Variants in MACROD2 observed in about 807,000 individuals in gnomAD.
The protein encoded by MACROD2 is ADP-ribose glycohydrolase MACROD2.
In MACROD2, 36 loss-of-function variants were observed where a neutral mutation model predicts 70.4. The observed-to-expected ratio is 0.51, with a 90% confidence interval of 0.39 to 0.68. The LOEUF is 0.68. Ranked by LOEUF, MACROD2 falls within the 30% of genes least tolerant of loss-of-function variation. The pLI, the probability that MACROD2 is intolerant of heterozygous loss-of-function variation, is 0.00. For missense variants in MACROD2, 496 were observed against 538.4 expected, an observed-to-expected ratio of 0.92 and a Z score of 0.78; for synonymous variants, 172 against 178.8, an observed-to-expected ratio of 0.96 and a Z score of 0.30.
At chr20:15,876,111 A>ATATATATATATATATATGTG (rs1555789655) in intron 9 of MACROD2, among the ~76,000 whole-genome samples, 3 of 138,846 alleles carry the variant, frequency 2.2e-5, no homozygotes, top group Middle Eastern at 3.7e-3. Context: ...ATATATATAT[A>ATATATATATATATATATGTG]TGTGTGTATT....
chr20:15,281,775 A>G (rs1226778150), intron 6 of MACROD2, among the ~76,000 whole-genome samples: 1 of 152,032 alleles, frequency 6.6e-6, no homozygotes, highest in Non-Finnish European at 1.5e-5. Context: ...GGGTCTGGAG[A>G]ATGGTGGTCC....
chr20:15,894,063 A>G (rs930695568), intron 10 of MACROD2: 6 of 401,304 alleles, frequency 1.5e-5, no homozygotes, highest in Non-Finnish European at 2.5e-5. Flanking sequence ...CGGCCTCAGC[A>G]GGAACATGAT....
chr20:14,278,919 G>T (rs2082281635), intron 3 of MACROD2, among the ~76,000 whole-genome samples: 1 of 152,142 alleles, frequency 6.6e-6, no homozygotes, highest in South Asian at 2.1e-4. Flanking sequence ...ATGTAAGCAA[G>T]AATCTATTCT....
chr20:15,806,381 G>A (rs961350822), intron 8 of MACROD2, among the ~76,000 whole-genome samples: 3 of 152,172 alleles, frequency 2.0e-5, no homozygotes, highest in African/African-American at 7.2e-5. Flanking sequence ...ACTTTCACCA[G>A]TCCTCACTTA....
At chr20:14,126,577 G>C (rs1204145897) in intron 3 of MACROD2, among the ~76,000 whole-genome samples, 1 of 151,906 alleles carries the variant, frequency 6.6e-6, no homozygotes, top group Non-Finnish European at 1.5e-5. Context: ...CAAATCTGTT[G>C]GCACTGTTTT....
At chr20:14,227,693 C>T (rs932928052) in intron 3 of MACROD2, among the ~76,000 whole-genome samples, 1 of 152,218 alleles carries the variant, frequency 6.6e-6, no homozygotes, top group Admixed American at 6.5e-5. Flanking sequence ...CCACCAATTC[C>T]GGATACACTG....
intron 6 of MACROD2, among the ~76,000 whole-genome samples, chr20:15,345,099 G>A (rs546446004): frequency 5.5e-5 from 8 of 146,226 alleles, no homozygotes; most frequent in African/African-American, 1.9e-4. Flanking sequence ...TCTTTTATAA[G>A]AACATTAATT....
chr20:15,972,654 AC>A (rs1349970060), intron 13 of MACROD2, among the ~76,000 whole-genome samples: 3 of 152,104 alleles, frequency 2.0e-5, no homozygotes, highest in Non-Finnish European at 4.4e-5. Flanking sequence ...TACTAAAAAT[AC>A]AAAAATTAGC....
chr20:15,713,208 G>T (rs2050653910), intron 8 of MACROD2, among the ~76,000 whole-genome samples: 1 of 152,148 alleles, frequency 6.6e-6, no homozygotes, highest in Admixed American at 6.5e-5. Flanking sequence ...TTTAGTAAAG[G>T]ATTTTCAAAG....
At chr20:14,138,855 T>C (rs2054835124) in intron 3 of MACROD2, among the ~76,000 whole-genome samples, 1 of 151,646 alleles carries the variant, frequency 6.6e-6, no homozygotes, top group African/African-American at 2.4e-5. Flanking sequence ...ATTGTGGAAA[T>C]CATTCTACAA....
chr20:14,814,894 G>A (rs752113546), intron 5 of MACROD2, among the ~76,000 whole-genome samples: 48 of 151,070 alleles, frequency 3.2e-4, no homozygotes, highest in Non-Finnish European at 6.5e-4. Flanking sequence ...AAAAATAACA[G>A]ATGAAAGGAC....
intron 8 of MACROD2, among the ~76,000 whole-genome samples, chr20:15,503,719 A>G (rs988146429): frequency 1.3e-5 from 2 of 152,228 alleles, no homozygotes; most frequent in Admixed American, 6.5e-5. Flanking sequence ...TCACCTGCTT[A>G]CGCGTGGCCC....
At position 14,686,804 on chromosome 20, in the gene MACROD2, A is replaced by G. The variant is rs58637819; in HGVS notation, c.418+1845A>G. 1.9e-3 allele frequency among the ~76,000 whole-genome samples: 287 copies of G among 152,316 alleles called. 1 individual carries two copies. Among genetic ancestry groups the G allele is most frequent in the African/African-American group, 6.5e-3 (269 of 41,572 alleles). ...AAGCATGATTGTATATCAACTATAT[A>G]TGCTGTTTAATTTTTCCTTTAATGA... On this transcript the variant is annotated intron_variant, in intron 5 of 17. Coordinates refer to ENST00000684519, the MANE Select transcript of MACROD2 (RefSeq NM_001351661.2).
intron 3 of MACROD2, among the ~76,000 whole-genome samples, chr20:14,221,512 A>T (rs1003724170): frequency 2.0e-5 from 3 of 152,220 alleles, no homozygotes; most frequent in Admixed American, 6.5e-5. Context: ...TAAATGTAAG[A>T]CCTGAAATGA....
intron 6 of MACROD2, among the ~76,000 whole-genome samples, chr20:15,283,460 G>A (rs951583621): frequency 6.6e-6 from 1 of 152,124 alleles, no homozygotes; most frequent in African/African-American, 2.4e-5. Flanking sequence ...ATCACCTGAG[G>A]TCAGGAGTTC....
chr20:15,882,908 A>C (rs1401273300), intron 9 of MACROD2, among the ~76,000 whole-genome samples: 1 of 152,050 alleles, frequency 6.6e-6, no homozygotes, highest in African/African-American at 2.4e-5. Flanking sequence ...TACATACAAG[A>C]AGACTTCCAA....
intron 8 of MACROD2, among the ~76,000 whole-genome samples, chr20:15,753,169 G>T (rs2051298373): frequency 6.6e-6 from 1 of 152,066 alleles, no homozygotes; most frequent in Admixed American, 6.5e-5. Context: ...TACACGTGCA[G>T]ATTTGTTAAA....
At chr20:15,928,339 C>T (rs997954045) in intron 10 of MACROD2, among the ~76,000 whole-genome samples, 1 of 152,206 alleles carries the variant, frequency 6.6e-6, no homozygotes, top group Admixed American at 6.5e-5. Flanking sequence ...TGTAGCACTG[C>T]ACTCACTTGA....
At chr20:15,934,752 C>T (rs1327092110) in intron 11 of MACROD2, among the ~76,000 whole-genome samples, 3 of 152,064 alleles carry the variant, frequency 2.0e-5, no homozygotes, top group African/African-American at 7.2e-5. Context: ...GGCTGGAGTG[C>T]AGTGGTGCAA....
Sources: gnomAD v4.1 joint callset for allele counts (sites outside exome capture counted in the v4.1 genomes callset) on GRCh38, gnomAD v4.1.1 for gene constraint, MANE v1.5 for transcripts, NCBI Gene and HGNC (gene_info 2026-07-23, HGNC 2026-07-21) for gene names.